PCCB: variants seen among roughly 807,000 people sequenced by gnomAD.
The protein encoded by PCCB is propionyl-CoA carboxylase beta chain, mitochondrial.
Under a neutral mutation model 60.7 loss-of-function variants are expected in PCCB, and 43 were observed. That is an observed-to-expected ratio of 0.71 (90% CI 0.55 to 0.91). The LOEUF (loss-of-function observed/expected upper bound fraction) is 0.91, where lower values mean the gene tolerates loss of function less well. Among genes scored for constraint, PCCB ranks in the 40% least tolerant of loss-of-function variants. PCCB has a pLI of 0.00. For missense variants in PCCB, 766 were observed against 702.8 expected (o/e 1.09, Z -1.02); for synonymous variants, 276 against 255.9 (o/e 1.08, Z -0.75).
intron 9 of PCCB, among the ~76,000 whole-genome samples, chr3:136,301,857 T>C (rs1480260313): frequency 6.6e-6 from 1 of 152,226 alleles, no homozygotes; most frequent in Non-Finnish European, 1.5e-5. Flanking sequence ...AGGTCTTTTC[T>C]GAGCCTTTGC....
At chr3:136,307,184 C>T (rs1164339927) in intron 9 of PCCB, among the ~76,000 whole-genome samples, 1 of 121,980 alleles carries the variant, frequency 8.2e-6, no homozygotes, top group African/African-American at 2.5e-5. Flanking sequence ...AACCAAGAAC[C>T]GAGGGAAGTT....
chr3:136,305,425 T>G (rs994985165), intron 9 of PCCB, among the ~76,000 whole-genome samples: 1 of 121,878 alleles, frequency 8.2e-6, no homozygotes, highest in Non-Finnish European at 1.8e-5. Flanking sequence ...AAGTATTGTA[T>G]TATTACACTT....
intron 7 of PCCB, among the ~76,000 whole-genome samples, chr3:136,297,043 G>A (rs1933971602): frequency 6.6e-6 from 1 of 152,182 alleles, no homozygotes; most frequent in African/African-American, 2.4e-5. Flanking sequence ...AGTATAACAG[G>A]GTAAAGGGGA....
At chr3:136,284,749 G>A (rs945276742) in intron 6 of PCCB, among the ~76,000 whole-genome samples, 3 of 152,180 alleles carry the variant, frequency 2.0e-5, no homozygotes, top group East Asian at 3.9e-4. Flanking sequence ...GTGATATACC[G>A]AAAGTAGTGT....
Position 136,290,671 on chromosome 3 carries a change from G to GTTTTTTTTTTTTTTTTTTTTTTTTTT in PCCB, c.655-3068_655-3067insTTTTTTTTTTTTTTTTTTTTTTTTTT, listed in dbSNP as rs61191314. Among the ~76,000 whole-genome samples the GTTTTTTTTTTTTTTTTTTTTTTTTTT allele has an allele frequency of 1.7e-4, 10 of 60,046 alleles. 1 individual carries two copies. The highest frequency in any genetic ancestry group is 3.0e-4 in the African/African-American group (4 of 13,338). 39.4% of individuals were successfully genotyped at this position (60,046 alleles called of 152,430 possible). A position where few individuals can be genotyped will look rare whatever the true frequency, so the allele number is the denominator to read the frequency against. On this transcript the variant is annotated intron_variant, in intron 6 of 14. Transcript: ENST00000251654. ...CACTACACCTAGCTTTCTCTGTGTA[G>GTTTTTTTTTTTTTTTTTTTTTTTTTT]TTTTTTTTTTTTTTTTTGTCATTCA...
At chr3:136,292,177 G>C (rs918209402) in intron 6 of PCCB, among the ~76,000 whole-genome samples, 23 of 151,670 alleles carry the variant, frequency 1.5e-4, no homozygotes, top group African/African-American at 4.6e-4. Flanking sequence ...TGTTAAGAAG[G>C]AGTATCAACT....
intron 9 of PCCB, among the ~76,000 whole-genome samples, chr3:136,314,916 A>G (rs551431779): frequency 6.6e-6 from 1 of 152,346 alleles, no homozygotes; most frequent in South Asian, 2.1e-4. Context: ...ACCATCATTA[A>G]TGGACAAATC....
chr3:136,275,064 G>T (rs1942305297), intron 5 of PCCB, among the ~76,000 whole-genome samples: 1 of 152,104 alleles, frequency 6.6e-6, no homozygotes, highest in South Asian at 2.1e-4. Context: ...CACCTGCCTT[G>T]CCCTCCCAAA....
intron 3 of PCCB, among the ~76,000 whole-genome samples, chr3:136,258,412 C>T (rs1173148807): frequency 2.6e-5 from 4 of 152,274 alleles, no homozygotes; most frequent in African/African-American, 9.6e-5. Context: ...AAATCACATC[C>T]AGGGTTGAGG....
chr3:136,274,386 G>A (rs1942286972), intron 5 of PCCB, among the ~76,000 whole-genome samples: 1 of 152,122 alleles, frequency 6.6e-6, no homozygotes, highest in South Asian at 2.1e-4. Context: ...AGGAAACTTA[G>A]TTTTGCTGGA....
At chr3:136,261,788 C>A (rs1373266500) in intron 4 of PCCB, among the ~76,000 whole-genome samples, 164 bp from the exon 5 acceptor site, 4 of 152,176 alleles carry the variant, frequency 2.6e-5, no homozygotes, top group African/African-American at 9.7e-5. Flanking sequence ...CCTTTGTCTT[C>A]CATGAAGGTA....
At chr3:136,293,389 G>A (rs1933787149) in intron 6 of PCCB, among the ~76,000 whole-genome samples, 2 of 152,140 alleles carry the variant, frequency 1.3e-5, no homozygotes, top group African/African-American at 4.8e-5. Context: ...TGTAAATGAG[G>A]GTGATAATAG....
At chr3:136,274,725 T>C (rs1942296328) in intron 5 of PCCB, among the ~76,000 whole-genome samples, 1 of 152,212 alleles carries the variant, frequency 6.6e-6, no homozygotes, top group Admixed American at 6.5e-5. Flanking sequence ...TTTTCTAAAC[T>C]TTTAGCCTTC....
At chr3:136,273,597 C>CTTTTTTTTTTTTTTTTTTTTTTCT in intron 5 of PCCB, among the ~76,000 whole-genome samples, 3 of 45,234 alleles carry the variant, frequency 6.6e-5, no homozygotes, top group Non-Finnish European at 1.2e-4. Context: ...TTTCTTTTTT[C>CTTTTTTTTTTTTTTTTTTTTTTCT]TTTTTTTTTT....
intron 8 of PCCB, among the ~76,000 whole-genome samples, chr3:136,298,921 T>C (rs955086668): frequency 1.3e-5 from 2 of 152,222 alleles, no homozygotes; most frequent in Non-Finnish European, 2.9e-5. Flanking sequence ...CCAGGGATGC[T>C]CTGAAGAGTT....
chr3:136,287,229 C>T (rs953632391), intron 6 of PCCB, among the ~76,000 whole-genome samples: 4 of 151,978 alleles, frequency 2.6e-5, no homozygotes, highest in African/African-American at 9.7e-5. Flanking sequence ...TAAAAATTGC[C>T]TCCCTAAACA....
chr3:136,283,796 C>T, intron 5 of PCCB, 41 bp from the exon 6 acceptor site: 2 of 1,347,416 alleles, frequency 1.5e-6, no homozygotes, highest in Non-Finnish European at 2.1e-6. Context: ...ATGCCTCAAA[C>T]ATCTCTGTAA....
intron 9 of PCCB, among the ~76,000 whole-genome samples, chr3:136,308,792 C>A (rs1012437840): frequency 6.6e-6 from 1 of 152,132 alleles, no homozygotes; most frequent in Non-Finnish European, 1.5e-5. Flanking sequence ...AAAGTAGCCT[C>A]CAGCCGGGAA....
intron 2 of PCCB, 97 bp downstream of exon 2, chr3:136,256,072 T>TCCTCTGCAGTG: frequency 1.9e-6 from 3 of 1,556,414 alleles, no homozygotes; most frequent in African/African-American, 1.4e-5. Context: ...TTATCTGAAG[T>TCCTCTGCAGTG]CCTCTGCAGA....
Sources: allele counts gnomAD v4.1 joint callset (sites outside exome capture counted in the v4.1 genomes callset), GRCh38; gene constraint gnomAD v4.1.1; transcripts MANE v1.5; gene names NCBI Gene and HGNC (gene_info 2026-07-23, HGNC 2026-07-21).